Variants in DCC observed in about 807,000 individuals in gnomAD.
The protein encoded by DCC is DCC netrin 1 receptor.
In DCC, 58 loss-of-function variants were observed where a neutral mutation model predicts 172.5. That is an observed-to-expected ratio of 0.34 (90% CI 0.27 to 0.42). DCC has a LOEUF of 0.42. Among genes scored for constraint, DCC ranks in the 10% least tolerant of loss-of-function variants. The pLI, the probability that DCC is intolerant of heterozygous loss-of-function variation, is 1.00. For missense variants in DCC, 1,740 were observed against 1,791.0 expected, an observed-to-expected ratio of 0.97 and a Z score of 0.51; for synonymous variants, 709 against 644.5, an observed-to-expected ratio of 1.10 and a Z score of -1.52.
intron 14 of DCC, among the ~76,000 whole-genome samples, chr18:53,324,277 A>G (rs1171014323): frequency 6.6e-6 from 1 of 152,166 alleles, no homozygotes; most frequent in African/African-American, 2.4e-5. Context: ...CACAGAGTTC[A>G]TACCCATCAC....
chr18:53,361,360 C>T (rs995334433), intron 15 of DCC, among the ~76,000 whole-genome samples: 2 of 152,090 alleles, frequency 1.3e-5, no homozygotes, highest in Admixed American at 1.3e-4. Context: ...CCCCCAATCT[C>T]CTAAACATTG....
intron 5 of DCC, among the ~76,000 whole-genome samples, chr18:53,047,493 T>A (rs1279856776): frequency 2.5e-5 from 2 of 80,776 alleles, no homozygotes; most frequent in Non-Finnish European, 5.0e-5. Context: ...ATCTTTTTTT[T>A]ATTAAACTGA....
intron 1 of DCC, among the ~76,000 whole-genome samples, chr18:52,359,804 G>T (rs1984539149): frequency 6.6e-6 from 1 of 152,158 alleles, no homozygotes; most frequent in African/African-American, 2.4e-5. Flanking sequence ...AGTTCAAACT[G>T]CTGTATGTTC....
At chr18:52,937,247 A>T (rs2040394239) in intron 5 of DCC, among the ~76,000 whole-genome samples, 1 of 152,184 alleles carries the variant, frequency 6.6e-6, no homozygotes, top group South Asian at 2.1e-4. Context: ...CAATAAAATA[A>T]TATATGACAT....
chr18:52,984,829 G>A (rs2041266787), intron 5 of DCC, among the ~76,000 whole-genome samples: 1 of 151,826 alleles, frequency 6.6e-6, no homozygotes, highest in African/African-American at 2.4e-5. Flanking sequence ...CAAGCATGAC[G>A]GTCAAATAGA....
At chr18:53,503,330 A>T (rs868344614) in intron 27 of DCC, among the ~76,000 whole-genome samples, 6 of 152,150 alleles carry the variant, frequency 3.9e-5, no homozygotes, top group Non-Finnish European at 7.4e-5. Context: ...CTGCTGAGTT[A>T]AAAATGTAAC....
chr18:53,174,592 CCTTGACACATACACT>C (rs1457763035), intron 8 of DCC, among the ~76,000 whole-genome samples: 1 of 151,074 alleles, frequency 6.6e-6, no homozygotes, highest in African/African-American at 2.4e-5. Context: ...TGGATAAATT[CCTTGACACATACACT>C]CTCCCAAGAC....
intron 2 of DCC, among the ~76,000 whole-genome samples, chr18:52,780,345 T>TA (rs1363170116): frequency 3.3e-5 from 5 of 152,126 alleles, no homozygotes; most frequent in Admixed American, 6.6e-5. Context: ...GATTGTCTTG[T>TA]AAAAAATTAT....
intron 15 of DCC, among the ~76,000 whole-genome samples, chr18:53,375,889 G>A (rs2058105335): frequency 6.6e-6 from 1 of 152,000 alleles, no homozygotes; most frequent in Non-Finnish European, 1.5e-5. Flanking sequence ...AGGCTGCTCT[G>A]CATAATGGCT....
rs562731311 is a variant in DCC at position 53,482,175 on chromosome 18, G to GATT, written c.3737-4618_3737-4616dup. On this transcript the variant is annotated intron_variant, in intron 25 of 28. Coordinates refer to ENST00000442544, the MANE Select transcript of DCC (RefSeq NM_005215.4). ...GTTTTATCCAACTTACTTTAAGAATGATTATTTTTTGTTATAAGTAAATGT... is the reference window on the plus strand; with the variant it reads ...GTTTTATCCAACTTACTTTAAGAATGATTATTATTTTTTGTTATAAGTAAATGT... Among the ~76,000 whole-genome samples, 17 of 152,200 alleles carry GATT rather than the reference G, an allele frequency of 1.1e-4. No individual in the cohort carries two copies. In the South Asian group the frequency reaches 2.5e-3, roughly 22 times the overall value.
intron 17 of DCC, among the ~76,000 whole-genome samples, chr18:53,394,711 C>T (rs562185699): frequency 1.3e-5 from 2 of 152,218 alleles, no homozygotes; most frequent in South Asian, 4.1e-4. Flanking sequence ...CAACAAGAGA[C>T]AATGCATGAA....
At chr18:53,344,546 A>G (rs2057700879) in intron 15 of DCC, among the ~76,000 whole-genome samples, 1 of 146,462 alleles carries the variant, frequency 6.8e-6, no homozygotes, top group African/African-American at 2.5e-5. Context: ...AGGTTCAAGC[A>G]ATCTCCTGCC....
At chr18:52,840,265 G>A (rs938776135) in intron 2 of DCC, among the ~76,000 whole-genome samples, 1 of 152,142 alleles carries the variant, frequency 6.6e-6, no homozygotes, top group Non-Finnish European at 1.5e-5. Context: ...TCTGGACACA[G>A]TCTGCTCTGT....
intron 12 of DCC, among the ~76,000 whole-genome samples, chr18:53,231,686 A>C (rs891311545): frequency 1.3e-5 from 2 of 152,096 alleles, no homozygotes; most frequent in African/African-American, 4.8e-5. Flanking sequence ...AATTGGATTG[A>C]AACTTTTAAC....
chr18:53,253,084 A>C (rs780214386), intron 12 of DCC, among the ~76,000 whole-genome samples: 10 of 151,958 alleles, frequency 6.6e-5, no homozygotes, highest in Non-Finnish European at 1.0e-4. Flanking sequence ...TATAACATAT[A>C]GATACATAAA....
At chr18:52,361,381 G>A (rs187315855) in intron 1 of DCC, among the ~76,000 whole-genome samples, 1 of 152,218 alleles carries the variant, frequency 6.6e-6, no homozygotes, top group Admixed American at 6.5e-5. Flanking sequence ...ATACTGAGTT[G>A]TGTTTTCTTT....
chr18:52,589,776 T>C (rs1253784299), intron 1 of DCC, among the ~76,000 whole-genome samples: 1 of 152,196 alleles, frequency 6.6e-6, no homozygotes, highest in Non-Finnish European at 1.5e-5. Context: ...AACAGAGAAC[T>C]TAGAAGGGAC....
chr18:52,358,792 T>C (rs1003284286), intron 1 of DCC, among the ~76,000 whole-genome samples: 3 of 152,202 alleles, frequency 2.0e-5, no homozygotes, highest in Non-Finnish European at 4.4e-5. Context: ...GTATGCTTGC[T>C]GGCTTTCATG....
intron 5 of DCC, among the ~76,000 whole-genome samples, chr18:52,951,244 C>T (rs948349310): frequency 3.3e-5 from 5 of 152,064 alleles, no homozygotes; most frequent in African/African-American, 1.2e-4. Context: ...CACTAACCTG[C>T]CTCCATAGGG....
Sources: gnomAD v4.1 joint callset for allele counts (sites outside exome capture counted in the v4.1 genomes callset) on GRCh38, gnomAD v4.1.1 for gene constraint, MANE v1.5 for transcripts, NCBI Gene and HGNC (gene_info 2026-07-23, HGNC 2026-07-21) for gene names.